The following ART3 variants were observed in gnomAD, a reference collection of about 807,000 sequenced individuals.
ART3 encodes the protein ADP-ribosyltransferase 3 (inactive).
A neutral mutation model predicts 48.5 loss-of-function variants in ART3; 49 were observed. That is an observed-to-expected ratio of 1.01 (90% CI 0.80 to 1.28). The LOEUF (loss-of-function observed/expected upper bound fraction) is 1.28, where lower values mean the gene tolerates loss of function less well. Ranked by LOEUF, ART3 falls within the 50% of genes most tolerant of loss-of-function variation. The pLI is 0.00. For synonymous variants in ART3, 145 were observed against 157.2 expected (o/e 0.92, Z 0.58); for missense variants, 438 against 454.3 (o/e 0.96, Z 0.33).
intron 3 of ART3, among the ~76,000 whole-genome samples, chr4:76,097,374 T>TA (rs199805461): frequency 4.2e-4 from 62 of 147,272 alleles, no homozygotes; most frequent in African/African-American, 6.7e-4. Flanking sequence ...CTGGCTAATT[T>TA]AAAAAAAAAA....
chr4:76,070,845 G>A (rs1720238841), upstream of ART3, among the ~76,000 whole-genome samples: 1 of 151,940 alleles, frequency 6.6e-6, no homozygotes, highest in Admixed American at 6.6e-5. Flanking sequence ...TCCAGCATCT[G>A]CCAATATACT....
intron 1 of ART3, among the ~76,000 whole-genome samples, chr4:76,048,596 A>G (rs1433407542): frequency 1.3e-5 from 2 of 151,772 alleles, no homozygotes; most frequent in Non-Finnish European, 2.9e-5. Flanking sequence ...CAGCAGCAGA[A>G]ACAACCCCTG....
intron 1 of ART3, among the ~76,000 whole-genome samples, chr4:76,047,112 A>G (rs1401591780): frequency 6.6e-6 from 1 of 152,028 alleles, no homozygotes; most frequent in Non-Finnish European, 1.5e-5. Flanking sequence ...TTGCCTCAGC[A>G]TAGTGGACAT....
intron 1 of ART3, chr4:76,021,406 A>G (rs1732797474): frequency 6.5e-6 from 1 of 153,394 alleles, no homozygotes; most frequent in Non-Finnish European, 1.5e-5. Context: ...ACTTACACAT[A>G]CATTTTCAGA....
intron 3 of ART3, among the ~76,000 whole-genome samples, chr4:76,087,633 T>G (rs369401591): frequency 1.0e-3 from 157 of 152,352 alleles, no homozygotes; most frequent in African/African-American, 3.6e-3. Flanking sequence ...TAAACTTGCC[T>G]GTGATTTCCA....
intron 1 of ART3, among the ~76,000 whole-genome samples, chr4:76,053,773 A>G (rs577948895): frequency 1.4e-4 from 21 of 152,316 alleles, no homozygotes; most frequent in African/African-American, 5.1e-4. Flanking sequence ...TGTCCTCTGT[A>G]CCTCTGTCAG....
rs999076689 is a variant in ART3 at position 76,112,534 on chromosome 4, T to G, written c.*15T>G. ...TTGCTCTGTAGTTTGATGCATTGTTTATCTTTCTTATTCTTTACTTGAAAT... is the reference window on the plus strand; with the variant it reads ...TTGCTCTGTAGTTTGATGCATTGTTGATCTTTCTTATTCTTTACTTGAAAT... On this transcript the variant is annotated 3_prime_UTR_variant, in exon 12 of 12. Coordinates refer to ENST00000355810, the MANE Select transcript of ART3 (RefSeq NM_001130016.3). The G allele has an allele frequency of 1.7e-5, 27 of 1,605,680 alleles. No individual in the cohort carries two copies. Among genetic ancestry groups the G allele is most frequent in the Non-Finnish European group, 2.2e-5 (26 of 1,175,424 alleles).
chr4:76,053,181 C>T (rs1045944385), intron 1 of ART3, among the ~76,000 whole-genome samples: 3 of 152,146 alleles, frequency 2.0e-5, no homozygotes, highest in Non-Finnish European at 4.4e-5. Flanking sequence ...TTAACTATGC[C>T]TGTTCATGCT....
intron 1 of ART3, among the ~76,000 whole-genome samples, chr4:76,051,938 T>G (rs1736149150): frequency 7.1e-6 from 1 of 141,188 alleles, no homozygotes; most frequent in South Asian, 2.4e-4. Flanking sequence ...AGTTTCGCTC[T>G]TGCTGCCCAG....
At chr4:76,022,040 G>T in intron 1 of ART3, 3 of 1,203,960 alleles carry the variant, frequency 2.5e-6, no homozygotes, top group Non-Finnish European at 3.7e-6. Context: ...TCATAGAATA[G>T]ATAACTGAGC....
At chr4:76,101,164 C>T in intron 8 of ART3, 145 bp downstream of exon 8, 1 of 904,808 alleles carries the variant, frequency 1.1e-6, no homozygotes, top group South Asian at 1.9e-5. Context: ...ATTAGAGACT[C>T]TCCTGGGTTT....
At chr4:76,079,197 C>T (rs951604602) in intron 2 of ART3, among the ~76,000 whole-genome samples, 2 of 91,838 alleles carry the variant, frequency 2.2e-5, no homozygotes, top group South Asian at 3.2e-4. Flanking sequence ...AAAAAAAAGG[C>T]GGGGGGCTAA....
intron 8 of ART3, among the ~76,000 whole-genome samples, chr4:76,101,733 C>T (rs528022032): frequency 3.4e-4 from 52 of 151,412 alleles, no homozygotes; most frequent in African/African-American, 1.2e-3. Context: ...GCCTGGGTGA[C>T]AGAGTGAGAC....
At chr4:76,032,218 ATT>A (rs35489296) in intron 1 of ART3, among the ~76,000 whole-genome samples, 2 of 146,102 alleles carry the variant, frequency 1.4e-5, no homozygotes. Context: ...AACTCTGTGA[ATT>A]TTTTTTTTTT....
chr4:76,062,855 C>A (rs1010011793), intron 1 of ART3, among the ~76,000 whole-genome samples: 1 of 152,082 alleles, frequency 6.6e-6, no homozygotes, highest in Non-Finnish European at 1.5e-5. Context: ...CCACCGAGCC[C>A]GGCCCCAAGT....
At chr4:76,062,350 A>G (rs945948436) in intron 1 of ART3, among the ~76,000 whole-genome samples, 11 of 152,158 alleles carry the variant, frequency 7.2e-5, no homozygotes, top group African/African-American at 2.4e-4. Context: ...AAAAAAGTTA[A>G]TAACTATTTT....
At chr4:76,029,042 G>C (rs1733654462) in intron 1 of ART3, among the ~76,000 whole-genome samples, 1 of 152,064 alleles carries the variant, frequency 6.6e-6, no homozygotes, top group African/African-American at 2.4e-5. Flanking sequence ...CCATAAATAA[G>C]ATATTTCAAC....
intron 1 of ART3, among the ~76,000 whole-genome samples, chr4:76,016,814 C>G (rs1479422028): frequency 6.6e-6 from 1 of 152,220 alleles, no homozygotes; most frequent in Admixed American, 6.5e-5. Context: ...TTCCTCCCTC[C>G]CCTTTCCAGA....
At chr4:76,095,027 T>G (rs1725694750) in intron 3 of ART3, among the ~76,000 whole-genome samples, 1 of 152,236 alleles carries the variant, frequency 6.6e-6, no homozygotes, top group Admixed American at 6.5e-5. Flanking sequence ...GGTTTCCTTT[T>G]TCATTCCTTA....
Sources: allele counts gnomAD v4.1 joint callset (sites outside exome capture counted in the v4.1 genomes callset), GRCh38; gene constraint gnomAD v4.1.1; transcripts MANE v1.5; gene names NCBI Gene and HGNC (gene_info 2026-07-23, HGNC 2026-07-21).